Variants in CLTCL1 observed in about 807,000 individuals in gnomAD.
CLTCL1 encodes clathrin heavy chain like 1, also known as clathrin heavy chain 2.
CLTCL1 carries 159 observed loss-of-function variants against 190.0 expected under a neutral mutation model. The ratio of observed to expected loss-of-function variants is 0.84; its 90% CI spans 0.74 to 0.95. The LOEUF (loss-of-function observed/expected upper bound fraction) is 0.95. Ranked by LOEUF, CLTCL1 falls within the 40% of genes least tolerant of loss-of-function variation. The probability of loss-of-function intolerance (pLI) is 0.00; values close to 1 mark genes in which losing one functional copy is unlikely to be tolerated. For missense variants in CLTCL1, 1,878 were observed against 2,033.4 expected (o/e 0.92, Z 1.47); for synonymous variants, 752 against 769.6 (o/e 0.98, Z 0.38).
intron 29 of CLTCL1, among the ~76,000 whole-genome samples, chr22:19,185,326 C>CT (rs58151537): frequency 0.47 from 68,080 of 143,810 alleles, 16,585 homozygotes; most frequent in South Asian, 0.65. Flanking sequence ...CGGCCACTTT[C>CT]TTTTTTTTTT....
chr22:19,263,085 A>AT (rs2087004794), intron 2 of CLTCL1, among the ~76,000 whole-genome samples: 1 of 151,592 alleles, frequency 6.6e-6, no homozygotes, highest in South Asian at 2.1e-4. Context: ...ATGGTAAGCA[A>AT]TTTTTAGGAA....
At chr22:19,224,233 T>C (rs975611100) in intron 13 of CLTCL1, among the ~76,000 whole-genome samples, 179 bp from the exon 14 acceptor site, 2 of 152,076 alleles carry the variant, frequency 1.3e-5, no homozygotes, top group Non-Finnish European at 2.9e-5. Flanking sequence ...GCTAGTCGGA[T>C]TTCCATTATA....
chr22:19,232,959 C>T (rs551237096), intron 9 of CLTCL1: 89 of 603,790 alleles, frequency 1.5e-4, no homozygotes, highest in Admixed American at 8.6e-4. Flanking sequence ...CCAAATAAAA[C>T]GAAGATGGAA....
Position 19,243,697 on chromosome 22 carries a change from C to CTTT in CLTCL1, c.520-764_520-762dup, listed in dbSNP as rs1175325908. 2.3e-3 allele frequency among the ~76,000 whole-genome samples: 243 copies of CTTT among 107,876 alleles called. 1 individual carries two copies. The highest frequency in any genetic ancestry group is 2.8e-3 in the Non-Finnish European group (159 of 56,896). The allele number at this position is 107,876 out of a possible 152,430, so 70.8% of individuals were successfully genotyped here. A position where few individuals can be genotyped will look rare whatever the true frequency, so the allele number is the denominator to read the frequency against. Reference sequence around the variant, plus strand: ...GAACTTGTATTTTCTTTCTTTCTTTCTTTTTTTTTTTTTTTTTTGTGATGG... The same window carrying CTTT: ...GAACTTGTATTTTCTTTCTTTCTTTCTTTTTTTTTTTTTTTTTTTTTGTGATGG... On this transcript the variant is annotated intron_variant, in intron 3 of 32. Transcript: ENST00000427926.
intron 29 of CLTCL1, chr22:19,184,583 C>T (rs1555927446): frequency 1.1e-5 from 5 of 455,918 alleles, no homozygotes; most frequent in Non-Finnish European, 1.8e-5. Context: ...GCTCCAGGTG[C>T]CTTTGGGTCT....
At chr22:19,190,739 A>G (rs1555931401) in intron 27 of CLTCL1, among the ~76,000 whole-genome samples, 1 of 151,740 alleles carries the variant, frequency 6.6e-6, no homozygotes, top group African/African-American at 2.4e-5. Context: ...AATGGTGCTA[A>G]TCGACTTTCT....
At position 19,216,227 on chromosome 22, in the gene CLTCL1, C is replaced by T. The variant is rs377500214; in HGVS notation, c.2949G>A (p.Arg983=). 1.2e-6 allele frequency: 2 copies of T among 1,613,840 alleles called. No individual in the cohort carries two copies. The highest frequency in any genetic ancestry group is 1.3e-5 in the African/African-American group (1 of 74,924). ...CAGTGACCGAAATCTCTTCAGGATC[C>T]CGTGTTTCTGACAATGCTGTCTGTA... ...QVVQTALSET[R]DPEEISVTVK... The change falls in exon 19 of 33, where the codon CGG becomes CGA. Residue 983 remains arginine (R), a synonymous_variant. Transcript: ENST00000427926.
intron 20 of CLTCL1, chr22:19,209,405 C>T (rs577061902): frequency 1.2e-4 from 35 of 298,632 alleles, no homozygotes; most frequent in African/African-American, 7.0e-4. Flanking sequence ...GGGACTTGCT[C>T]CTGACCTTGG....
chr22:19,189,241 CACTG>C (rs1294099463), intron 27 of CLTCL1, among the ~76,000 whole-genome samples: 4 of 152,218 alleles, frequency 2.6e-5, no homozygotes, highest in African/African-American at 4.8e-5. Context: ...AGGTTTGCCT[CACTG>C]ACTGACTCTT....
At chr22:19,225,728 T>C (rs2085722644) in intron 12 of CLTCL1, 95 bp from the exon 13 acceptor site, 3 of 1,159,560 alleles carry the variant, frequency 2.6e-6, no homozygotes, top group Admixed American at 2.8e-5. Context: ...TTCCCCTGAG[T>C]GTCAAAAATA....
Position 19,196,566 on chromosome 22 carries a change from T to C in CLTCL1, c.3964A>G (p.Ile1322Val), listed in dbSNP as rs1209036057. The stretch of plus-strand genomic sequence containing the variant: ...TGTGGCTTGAATTTGGAGTAGAGGA[T>C]GGCCAGCTCAGTGAACATGCCCATG... ...AHMGMFTELA[I>V]LYSKFKPQKM... Residue 1322 changes from isoleucine to valine, a missense_variant, in exon 25 of 33, where the codon ATC becomes GTC. Coordinates refer to ENST00000427926, the MANE Select transcript of CLTCL1 (RefSeq NM_007098.4). 1.2e-6 allele frequency: 2 copies of C among 1,613,802 alleles called. No homozygotes were observed. The highest frequency in any genetic ancestry group is 1.7e-6 in the Non-Finnish European group (2 of 1,179,856).
At chr22:19,197,656 C>T (rs1014208726) in intron 24 of CLTCL1, among the ~76,000 whole-genome samples, 1 of 152,192 alleles carries the variant, frequency 6.6e-6, no homozygotes, top group Non-Finnish European at 1.5e-5. Context: ...TTCTCTCCAG[C>T]CACCATCAGG....
chr22:19,184,447 A>G, intron 29 of CLTCL1: 2 of 455,890 alleles, frequency 4.4e-6, no homozygotes, highest in South Asian at 3.1e-5. Context: ...CCACATCTGC[A>G]TGGACCCGAT....
Position 19,196,280 on chromosome 22 carries a change from C to T in CLTCL1, c.4177G>A (p.Asp1393Asn). 6.2e-7 allele frequency: 1 copy of T among 1,613,432 alleles called. No homozygotes were observed. The change falls in exon 26 of 33, where the codon GAC (aspartate) becomes AAC (asparagine). Residue 1393 changes from aspartate (D) to asparagine (N), a missense_variant. Transcript: ENST00000427926. The part of the protein sequence containing the change: ...TEAWKEGQFK[D>N]IITKVANVEL... ...TCCCCTCTTACCTTGGTAATGATGT[C>T]CTTGAACTGACCCTCCTTCCAGGCC...
At chr22:19,262,174 T>G (rs1156525630) in intron 2 of CLTCL1, among the ~76,000 whole-genome samples, 1 of 151,742 alleles carries the variant, frequency 6.6e-6, no homozygotes, top group East Asian at 2.0e-4. Flanking sequence ...TACAGGAGCG[T>G]GCCACCAGGC....
intron 4 of CLTCL1, 80 bp downstream of exon 4, chr22:19,242,695 T>C: frequency 5.3e-6 from 8 of 1,496,120 alleles, no homozygotes; most frequent in Middle Eastern, 2.0e-4. Context: ...CTGCAGGCCA[T>C]GCCCAGCCAC....
At chr22:19,237,937 C>T (rs782412618) in intron 5 of CLTCL1, among the ~76,000 whole-genome samples, 130 of 152,160 alleles carry the variant, frequency 8.5e-4, no homozygotes, top group Middle Eastern at 6.8e-3. Context: ...GTACAGATAA[C>T]ATATATTTTA....
chr22:19,215,986 T>C, intron 19 of CLTCL1, 125 bp downstream of exon 19: 1 of 825,374 alleles, frequency 1.2e-6, no homozygotes, highest in South Asian at 1.7e-5. Flanking sequence ...AAGATTGGCA[T>C]GTCTGGGGAG....
At chr22:19,216,330 G>A in intron 18 of CLTCL1, 74 bp from the exon 19 acceptor site, 3 of 1,425,574 alleles carry the variant, frequency 2.1e-6, no homozygotes, top group South Asian at 2.5e-5. Context: ...TAAACAGAAG[G>A]GAAGGACTCC....
Sources: gnomAD v4.1 joint callset for allele counts (sites outside exome capture counted in the v4.1 genomes callset) on GRCh38, gnomAD v4.1.1 for gene constraint, MANE v1.5 for transcripts, NCBI Gene and HGNC (gene_info 2026-07-23, HGNC 2026-07-21) for gene names.